The following CDC14A variants were observed in gnomAD, a reference collection of about 807,000 sequenced individuals.
The protein encoded by CDC14A is cell division cycle 14A.
CDC14A carries 53 observed loss-of-function variants against 74.4 expected under a neutral mutation model. The ratio of observed to expected loss-of-function variants is 0.71; its 90% confidence interval spans 0.57 to 0.89. The LOEUF is 0.89. Among genes scored for constraint, CDC14A ranks in the 40% least tolerant of loss-of-function variants. CDC14A has a pLI of 0.00. For synonymous variants in CDC14A, 247 were observed against 258.4 expected, an observed-to-expected ratio of 0.96 and a Z score of 0.43; for missense variants, 646 against 713.7, an observed-to-expected ratio of 0.91 and a Z score of 1.08.
At chr1:100,416,853 G>A (rs927400519) in intron 4 of CDC14A, among the ~76,000 whole-genome samples, 4 of 152,042 alleles carry the variant, frequency 2.6e-5, no homozygotes, top group African/African-American at 7.2e-5. Flanking sequence ...TATACCTAAG[G>A]CAATGGAAGC....
chr1:100,493,072 A>AC (rs1647218684), intron 11 of CDC14A, among the ~76,000 whole-genome samples: 1 of 152,034 alleles, frequency 6.6e-6, no homozygotes, highest in Non-Finnish European at 1.5e-5. Context: ...TATCTGTTTT[A>AC]CCTTTATACT....
upstream of CDC14A, among the ~76,000 whole-genome samples, chr1:100,348,323 G>A (rs1000052674): frequency 6.7e-6 from 1 of 149,486 alleles, no homozygotes. Flanking sequence ...TTTTCTTGAA[G>A]CTAAATGATA....
rs536808863 is a variant in CDC14A at position 100,509,255 on chromosome 1, C to T, written c.1756-8996C>T. Among the ~76,000 whole-genome samples the T allele has an allele frequency of 5.9e-5, 9 of 152,292 alleles. No homozygotes were observed. In the South Asian group the frequency reaches 1.9e-3, roughly 32 times the overall value. On this transcript the variant is annotated intron_variant, in intron 15 of 15. Transcript: ENST00000336454. The stretch of plus-strand genomic sequence containing the variant: ...CTCTGTGAAGCCTTCCTTAATCTCA[C>T]CAGACCATAGCAATCATGATGTTTT...
chr1:100,351,915 G>A, upstream of CDC14A: 1 of 1,022,160 alleles, frequency 9.8e-7, no homozygotes, highest in South Asian at 1.5e-5. Context: ...TGGGCGTGGG[G>A]GGTGGCTGAA....
chr1:100,470,115 T>G (rs943836927), intron 10 of CDC14A, among the ~76,000 whole-genome samples: 8 of 152,084 alleles, frequency 5.3e-5, no homozygotes, highest in African/African-American at 1.7e-4. Flanking sequence ...TCCAGCTGTA[T>G]AAAAAAGATA....
At chr1:100,454,652 A>T (rs763388585) in intron 7 of CDC14A, among the ~76,000 whole-genome samples, 2 of 152,198 alleles carry the variant, frequency 1.3e-5, no homozygotes. Flanking sequence ...GCCAATGGGC[A>T]TGTTTTATTT....
At position 100,498,136 on chromosome 1, in the gene CDC14A, G is replaced by C; in HGVS notation, c.1350G>C (p.Met450Ile). Residue 450 changes from methionine to isoleucine, a missense_variant, in exon 14 of 16, where the codon ATG (methionine) becomes ATC (isoleucine). Physicochemically the swap from Met to Ile is conservative, Grantham distance 10. Transcript: ENST00000336454. The part of the protein sequence containing the change: ...GSAVTLKTSK[M>I]ALSPSATAKR... ...CAGTTACTTTGAAGACATCAAAAAT[G>C]GCACTGTCCCCTTCAGCAACGGCCA... 1 of 1,614,118 alleles carries C rather than the reference G, an allele frequency of 6.2e-7. No homozygotes were observed.
In CDC14A at chr1:100,474,150, G is replaced by A. The variant is rs543322582; in HGVS notation, c.977+6056G>A. Among the ~76,000 whole-genome samples, 61 of 152,198 alleles carry A rather than the reference G, an allele frequency of 4.0e-4. 2 individuals are homozygous for A. The South Asian group carries it at 0.012, about 31-fold the overall frequency. On this transcript the variant is annotated intron_variant, in intron 10 of 15. Transcript: ENST00000336454. The stretch of plus-strand genomic sequence containing the variant: ...GATTGTTAATATGGTAGATTGCATC[G>A]ATTGTTTTTTGTATATTGAAGAAGG...
At chr1:100,353,093 G>A in intron 1 of CDC14A, 90 bp downstream of exon 1, 2 of 1,414,852 alleles carry the variant, frequency 1.4e-6, no homozygotes, top group East Asian at 2.4e-5. Context: ...TCCTGAGGCT[G>A]CCAGTGTCCT....
chr1:100,381,303 G>A (rs2100959567), intron 3 of CDC14A, among the ~76,000 whole-genome samples: 1 of 152,222 alleles, frequency 6.6e-6, no homozygotes, highest in South Asian at 2.1e-4. Flanking sequence ...CTACTCTACC[G>A]AAACTGCTCT....
intron 2 of CDC14A, among the ~76,000 whole-genome samples, chr1:100,369,871 C>T (rs1654207069): frequency 6.6e-6 from 1 of 151,134 alleles, no homozygotes. Flanking sequence ...AGTGCTGTGG[C>T]ATAATCATGG....
At chr1:100,390,970 T>C in intron 4 of CDC14A, 146 bp downstream of exon 4, 1 of 700,416 alleles carries the variant, frequency 1.4e-6, no homozygotes, top group South Asian at 1.5e-5. Context: ...GTGAGAAATA[T>C]GGACTAGCAG....
At chr1:100,415,076 C>T (rs565972320) in intron 4 of CDC14A, among the ~76,000 whole-genome samples, 2 of 152,230 alleles carry the variant, frequency 1.3e-5, no homozygotes, top group East Asian at 3.9e-4. Context: ...CTGTAGCTGT[C>T]AGTTCTGGAA....
chr1:100,382,940 C>T (rs72971109), intron 3 of CDC14A, among the ~76,000 whole-genome samples: 13,448 of 152,186 alleles, frequency 0.088, 2,033 homozygotes, highest in African/African-American at 0.31. Context: ...GCCACCCTAT[C>T]GGGGGTTATA....
intron 4 of CDC14A, among the ~76,000 whole-genome samples, chr1:100,397,488 G>A (rs1658677392): frequency 6.6e-6 from 1 of 152,114 alleles, no homozygotes; most frequent in Non-Finnish European, 1.5e-5. Flanking sequence ...AATTAATTAG[G>A]TTCTTGCCAT....
At chr1:100,359,817 A>G (rs192414051) in intron 2 of CDC14A, among the ~76,000 whole-genome samples, 240 of 152,176 alleles carry the variant, frequency 1.6e-3, no homozygotes, top group African/African-American at 5.6e-3. Flanking sequence ...ATTCTCCAAA[A>G]AAAACCCTCA....
chr1:100,427,795 G>T (rs1663131549), intron 5 of CDC14A, among the ~76,000 whole-genome samples: 1 of 152,156 alleles, frequency 6.6e-6, no homozygotes, highest in South Asian at 2.1e-4. Context: ...TCAGTGTATA[G>T]TCTGTATACA....
intron 2 of CDC14A, among the ~76,000 whole-genome samples, chr1:100,369,447 G>A (rs924983470): frequency 6.6e-6 from 1 of 152,124 alleles, no homozygotes. Flanking sequence ...GTGAGATGGT[G>A]TCTCATTATG....
chr1:100,372,113 G>A (rs1654557990), intron 2 of CDC14A, among the ~76,000 whole-genome samples: 2 of 152,156 alleles, frequency 1.3e-5, no homozygotes, highest in African/African-American at 2.4e-5. Flanking sequence ...GTCTAAGAAA[G>A]CAATGTATAT....
Sources: gnomAD v4.1 joint callset for allele counts (sites outside exome capture counted in the v4.1 genomes callset) on GRCh38, gnomAD v4.1.1 for gene constraint, MANE v1.5 for transcripts, NCBI Gene and HGNC (gene_info 2026-07-23, HGNC 2026-07-21) for gene names.